The following FAM98C variants were observed in gnomAD, a reference collection of about 807,000 sequenced individuals.
FAM98C encodes protein FAM98C.
Under a neutral mutation model 41.1 loss-of-function variants are expected in FAM98C, and 38 were observed. The observed-to-expected ratio is 0.92, with a 90% confidence interval of 0.71 to 1.21. FAM98C has a LOEUF of 1.21. Among genes scored for constraint, FAM98C ranks in the 50% most tolerant of loss-of-function variants. FAM98C has a pLI of 0.00. For missense variants in FAM98C, 493 were observed against 484.7 expected, an observed-to-expected ratio of 1.02 and a Z score of -0.16; for synonymous variants, 195 against 216.7, an observed-to-expected ratio of 0.90 and a Z score of 0.88.
chr19:38,405,525 TTGGAGTCTCTGTCCCAAAGCC>T lies in FAM98C; in HGVS notation c.642_662del (p.Leu214_Leu221delinsPhe), dbSNP rs1419417604. 6.2e-7 allele frequency: 1 copy of T among 1,614,186 alleles called. No homozygotes were observed. The highest frequency in any genetic ancestry group is 8.5e-7 in the Non-Finnish European group (1 of 1,180,026). On this transcript the variant is annotated inframe_deletion, in exon 6 of 8. Transcript: ENST00000252530. ...TTGAGACCTTTTCTCCCAGGAAGCGTTGGAGTCTCTGTCCCAAAGCCTCAGAGATCAGTACCGCTGCCGCCG... is the reference window on the plus strand; with the variant it reads ...TTGAGACCTTTTCTCCCAGGAAGCGTTCAGAGATCAGTACCGCTGCCGCCG...
intron 3 of FAM98C, among the ~76,000 whole-genome samples, 200 bp downstream of exon 3, chr19:38,403,894 ATTTAT>A (rs1971002897): frequency 6.6e-6 from 1 of 151,870 alleles, no homozygotes; most frequent in African/African-American, 2.4e-5. Flanking sequence ...TTTATTTTTT[ATTTAT>A]TTTATTATTA....
Position 38,403,326 on chromosome 19 carries a change from C to A in FAM98C, c.66-12C>A. The A allele has an allele frequency of 6.7e-7, 1 of 1,495,066 alleles. No homozygotes were observed. The allele number at this position is 1,495,066 out of a possible 1,614,324, so 92.6% of individuals were successfully genotyped here. A position where few individuals can be genotyped will look rare whatever the true frequency, so the allele number is the denominator to read the frequency against. On this transcript the variant is annotated splice_polypyrimidine_tract_variant and intron_variant, in intron 1 of 7. Transcript: ENST00000252530. ...ACATCCCCGCCCCCTCCCGCTGCCT[C>A]GGTCCCCACAGGTATGGAGGTGTCC...
At position 38,405,013 on chromosome 19, in the gene FAM98C, G is replaced by A; in HGVS notation, c.455G>A (p.Gly152Asp). 6.2e-7 allele frequency: 1 copy of A among 1,614,182 alleles called. No homozygotes were observed. The highest frequency in any genetic ancestry group is 8.5e-7 in the Non-Finnish European group (1 of 1,180,026). Reference sequence around the variant, plus strand: ...GGTGAAGGGGTAGTGGAGGGAGCCGGCATGGTCCAAGAACTGGACCTTACC... The same window carrying A: ...GGTGAAGGGGTAGTGGAGGGAGCCGACATGGTCCAAGAACTGGACCTTACC... ...PLGEGVVEGAGMVQELDLTLQ... is the reference protein window; with the variant it reads ...PLGEGVVEGADMVQELDLTLQ... Residue 152 changes from glycine (G) to aspartate (D), a missense_variant, in exon 4 of 8, where the codon GGC becomes GAC. Coordinates refer to ENST00000252530, the MANE Select transcript of FAM98C (RefSeq NM_174905.4).
rs1360116331 is a variant in FAM98C at position 38,403,569 on chromosome 19, CGGA to C, written c.231_233del (p.Glu77del). Reference sequence around the variant, plus strand: ...ACCCCTGTCCTCGCAGGCCCTGGCGCGGAGGAGGACTTTCTGCGGCAGCTCGGC... The same window carrying C: ...ACCCCTGTCCTCGCAGGCCCTGGCGCGGAGGACTTTCTGCGGCAGCTCGGC... On this transcript the variant is annotated inframe_deletion, in exon 3 of 8. Transcript: ENST00000252530. 1.2e-5 allele frequency: 18 copies of C among 1,496,534 alleles called. No individual in the cohort carries two copies. The East Asian group carries it at 4.8e-4, about 40-fold the overall frequency. The allele number at this position is 1,496,534 out of a possible 1,614,324, so 92.7% of individuals were successfully genotyped here. A position where few individuals can be genotyped will look rare whatever the true frequency, so the allele number is the denominator to read the frequency against.
At chr19:38,405,903 C>T (rs1971033746) in intron 6 of FAM98C, 3 of 405,726 alleles carry the variant, frequency 7.4e-6, no homozygotes, top group Non-Finnish European at 1.3e-5. Flanking sequence ...TGTTGCCAGG[C>T]TGGAGTGTGG....
chr19:38,406,661 G>T (rs1299185834), intron 6 of FAM98C: 9 of 416,426 alleles, frequency 2.2e-5, no homozygotes, highest in Admixed American at 1.5e-4. Flanking sequence ...GCGCATGCTT[G>T]TCCATCTCAG....
intron 7 of FAM98C, 52 bp downstream of exon 7, chr19:38,407,129 C>G: frequency 2.5e-6 from 4 of 1,590,622 alleles, no homozygotes; most frequent in Non-Finnish European, 1.7e-6. Context: ...TTCAGATTGG[C>G]CTTTCAGCCT....
chr19:38,408,146 G>A (rs866293123), intron 7 of FAM98C: 1 of 152,072 alleles, frequency 6.6e-6, no homozygotes, highest in Admixed American at 6.6e-5. Context: ...AAAAAACTGA[G>A]CCCGAGGTGG....
Position 38,405,383 on chromosome 19 carries a change from C to A in FAM98C, c.595C>A (p.Gln199Lys), listed in dbSNP as rs754796630. 1.2e-6 allele frequency: 2 copies of A among 1,614,112 alleles called. No homozygotes were observed. Among genetic ancestry groups the A allele is most frequent in the South Asian group, 2.2e-5 (2 of 91,088 alleles). ...GCCTTCTCTGCCCCCAGGGTCCCTGCAGCCCCTCCTCAGCTGCTCGCTAGA... is the reference window on the plus strand; with the variant it reads ...GCCTTCTCTGCCCCCAGGGTCCCTGAAGCCCCTCCTCAGCTGCTCGCTAGA... ...LQPSLPPGSL[Q>K]PLLSCSLDAP... is the part of the protein sequence containing the mutation. Residue 199 changes from glutamine (Q) to lysine (K), a missense_variant, in exon 5 of 8, where the codon CAG becomes AAG. Physicochemically the swap from Gln to Lys is moderately conservative, Grantham distance 53. Transcript: ENST00000252530.
At position 38,408,606 on chromosome 19, in the gene FAM98C, G is replaced by C. The variant is rs545081067; in HGVS notation, c.919-145G>C. The stretch of plus-strand genomic sequence containing the variant: ...AAGCTCATGCTAGTATCTTCCACCA[G>C]TTCAGTCCCCCCTCCCCCAGCCACT... On this transcript the variant is annotated intron_variant, in intron 7 of 7. Coordinates refer to ENST00000252530, the MANE Select transcript of FAM98C (RefSeq NM_174905.4). The C allele has an allele frequency of 4.0e-5, 40 of 1,008,916 alleles. No individual in the cohort carries two copies. In the South Asian group the frequency reaches 5.4e-4, roughly 14 times the overall value. 62.5% of individuals were successfully genotyped at this position (1,008,916 alleles called of 1,614,324 possible).
At chr19:38,406,808 TG>T in intron 6 of FAM98C, 101 bp from the exon 7 acceptor site, 1 of 1,205,484 alleles carries the variant, frequency 8.3e-7, no homozygotes. Flanking sequence ...ATTTGAGCTG[TG>T]GGCAGTGAGG....
chr19:38,406,577 A>G lies in FAM98C; in HGVS notation c.751-333A>G, dbSNP rs1419948720. Reference sequence around the variant, plus strand: ...GATCACTTGAGCTCAGAAGTTTGAGACCACCTTGGGCAACATAGCAAGACC... The same window carrying G: ...GATCACTTGAGCTCAGAAGTTTGAGGCCACCTTGGGCAACATAGCAAGACC... On this transcript the variant is annotated intron_variant, in intron 6 of 7. Transcript: ENST00000252530. 8 of 206,384 alleles carry G rather than the reference A, an allele frequency of 3.9e-5. No individual in the cohort carries two copies. The Admixed American group carries it at 4.1e-4, about 11-fold the overall frequency. 12.8% of individuals were successfully genotyped at this position (206,384 alleles called of 1,614,324 possible). A position where few individuals can be genotyped will look rare whatever the true frequency, so the allele number is the denominator to read the frequency against.
At position 38,403,633 on chromosome 19, in the gene FAM98C, G is replaced by A; in HGVS notation, c.288G>A (p.Ala96=). 6.9e-7 allele frequency: 1 copy of A among 1,442,958 alleles called. No homozygotes were observed. The highest frequency in any genetic ancestry group is 9.0e-7 in the Non-Finnish European group (1 of 1,110,266). The allele number at this position is 1,442,958 out of a possible 1,614,324, so 89.4% of individuals were successfully genotyped here. Residue 96 remains alanine (A), a synonymous_variant, in exon 3 of 8, where the codon GCG becomes GCA. Transcript: ENST00000252530. The part of the protein sequence containing the change: ...LLRELHCPDR[A]LCGGDGAAAL... Reference sequence around the variant, plus strand: ...GGGAGCTGCACTGCCCGGATCGCGCGCTCTGCGGCGGGGATGGCGCGGCTG... The same window carrying A: ...GGGAGCTGCACTGCCCGGATCGCGCACTCTGCGGCGGGGATGGCGCGGCTG...
chr19:38,407,108 C>T, intron 7 of FAM98C, 31 bp downstream of exon 7: 2 of 1,603,736 alleles, frequency 1.2e-6, no homozygotes, highest in Non-Finnish European at 8.5e-7. Context: ...AGGGCCCTGG[C>T]ATCCTTGGCC....
Position 38,405,404 on chromosome 19 carries a change from C to A in FAM98C, c.616C>A (p.Leu206Ile). Residue 206 changes from leucine to isoleucine, a missense_variant, in exon 5 of 8, where the codon CTA becomes ATA. By Grantham distance (5) the Leu-to-Ile change is conservative. Transcript: ENST00000252530. ...GSLQPLLSCS[L>I]DAPRWEALES... The stretch of plus-strand genomic sequence containing the variant: ...CCTGCAGCCCCTCCTCAGCTGCTCG[C>A]TAGATGCACCCAGATGGGTAAGACT... 6.2e-7 allele frequency: 1 copy of A among 1,614,152 alleles called. No individual in the cohort carries two copies. Among genetic ancestry groups the A allele is most frequent in the Non-Finnish European group, 8.5e-7 (1 of 1,180,004 alleles).
chr19:38,404,134 T>G (rs1481985566), intron 3 of FAM98C, among the ~76,000 whole-genome samples: 1 of 152,102 alleles, frequency 6.6e-6, no homozygotes, highest in African/African-American at 2.4e-5. Flanking sequence ...CCAGGTGATC[T>G]GTCCACCTCG....
chr19:38,403,569 C>T lies in FAM98C; in HGVS notation c.224C>T (p.Ala75Val), dbSNP rs1350622580. ...ACCCCTGTCCTCGCAGGCCCTGGCG[C>T]GGAGGAGGACTTTCTGCGGCAGCTC... ...EVLSAGDGPG[A>V]EEDFLRQLGS... The change falls in exon 3 of 8, where the codon GCG (alanine) becomes GTG (valine). Residue 75 changes from alanine (A) to valine (V), a missense_variant. Physicochemically the swap from Ala to Val is moderately conservative, Grantham distance 64 (BLOSUM62 0). Transcript: ENST00000252530. 7 of 1,496,416 alleles carry T rather than the reference C, an allele frequency of 4.7e-6. No homozygotes were observed. The highest frequency in any genetic ancestry group is 6.2e-6 in the Non-Finnish European group (7 of 1,132,354). The allele number at this position is 1,496,416 out of a possible 1,614,324, so 92.7% of individuals were successfully genotyped here.
chr19:38,403,596 G>A lies in FAM98C; in HGVS notation c.251G>A (p.Gly84Asp). The part of the protein sequence containing the change: ...GAEEDFLRQL[G>D]SLLRELHCPD... ...GAGGAGGACTTTCTGCGGCAGCTCG[G>A]CAGCCTGCTGCGGGAGCTGCACTGC... The change falls in exon 3 of 8, where the codon GGC becomes GAC. Residue 84 changes from glycine (G) to aspartate (D), a missense_variant. Physicochemically the swap from Gly to Asp is moderately conservative, Grantham distance 94. Coordinates refer to ENST00000252530, the MANE Select transcript of FAM98C (RefSeq NM_174905.4). 1 of 1,497,172 alleles carries A rather than the reference G, an allele frequency of 6.7e-7. No individual in the cohort carries two copies. The highest frequency in any genetic ancestry group is 8.8e-7 in the Non-Finnish European group (1 of 1,133,602). The allele number at this position is 1,497,172 out of a possible 1,614,324, so 92.7% of individuals were successfully genotyped here.
In FAM98C at chr19:38,405,299, C is replaced by T. The variant is rs1193832325; in HGVS notation, c.556-45C>T. 3 of 1,594,438 alleles carry T rather than the reference C, an allele frequency of 1.9e-6. No individual in the cohort carries two copies. In the East Asian group the frequency reaches 6.7e-5, roughly 36 times the overall value. On this transcript the variant is annotated intron_variant, in intron 4 of 7. Coordinates refer to ENST00000252530, the MANE Select transcript of FAM98C (RefSeq NM_174905.4). ...TGGGGAGCTGAGTTTACAGAGGGGC[C>T]CATCCTCTCTGCCCCAGTTGGCCTC...
Sources: gnomAD v4.1 joint callset for allele counts (sites outside exome capture counted in the v4.1 genomes callset) on GRCh38, gnomAD v4.1.1 for gene constraint, MANE v1.5 for transcripts, NCBI Gene and HGNC (gene_info 2026-07-23, HGNC 2026-07-21) for gene names.